The following CSTL1 variants were observed in gnomAD, a reference collection of about 807,000 sequenced individuals.
CSTL1 encodes cystatin like 1.
A neutral mutation model predicts 14.4 loss-of-function variants in CSTL1; 14 were observed. The observed-to-expected ratio is 0.97, with a 90% CI of 0.64 to 1.52. The LOEUF (loss-of-function observed/expected upper bound fraction) is 1.52, where lower values mean the gene tolerates loss of function less well. Ranked by LOEUF, CSTL1 falls within the 40% of genes most tolerant of loss-of-function variation. The probability of loss-of-function intolerance (pLI) is 0.00; values close to 1 mark genes in which losing one functional copy is unlikely to be tolerated. For synonymous variants in CSTL1, 72 were observed against 67.5 expected (o/e 1.07, Z -0.33); for missense variants, 170 against 168.7 (o/e 1.01, Z -0.04).
downstream of CSTL1, among the ~76,000 whole-genome samples, chr20:23,449,382 G>A (rs1987028160): frequency 6.6e-6 from 1 of 151,660 alleles, no homozygotes; most frequent in East Asian, 1.9e-4. Context: ...AATGAATGCT[G>A]TAATGCCGTG....
chr20:23,450,659 G>C, the CSTL1 span: 1 of 1,174,602 alleles, frequency 8.5e-7, no homozygotes, highest in Non-Finnish European at 1.2e-6. Flanking sequence ...GGAAGAGGAT[G>C]TAAGACACGA....
chr20:23,447,435 C>CACATTACAT (rs1986989584), downstream of CSTL1, among the ~76,000 whole-genome samples: 1 of 151,586 alleles, frequency 6.6e-6, no homozygotes, highest in African/African-American at 2.4e-5. Flanking sequence ...TAATGCTGGA[C>CACATTACAT]ACATTACATG....
chr20:23,445,285 G>C (rs1463437433), downstream of CSTL1, among the ~76,000 whole-genome samples: 1 of 148,270 alleles, frequency 6.7e-6, no homozygotes, highest in Non-Finnish European at 1.5e-5. Context: ...AGGCTGGAGA[G>C]AAGTGGCGCA....
chr20:23,440,545 T>A, intron 2 of CSTL1, 59 bp downstream of exon 2: 1 of 1,320,368 alleles, frequency 7.6e-7, no homozygotes, highest in Non-Finnish European at 1.1e-6. Context: ...TTCAGACATG[T>A]GAGGATTCTG....
the CSTL1 span, chr20:23,450,624 C>T: frequency 7.8e-6 from 12 of 1,538,700 alleles, no homozygotes; most frequent in African/African-American, 4.1e-5. Context: ...TTTTAAAAGA[C>T]GCCAGGTGAA....
At chr20:23,453,442 G>A in the CSTL1 span, among the ~76,000 whole-genome samples, 2 of 152,248 alleles carry the variant, frequency 1.3e-5, no homozygotes, top group East Asian at 1.9e-4. Context: ...GGAGGAGGAG[G>A]CAGTGGCGAG....
downstream of CSTL1, among the ~76,000 whole-genome samples, chr20:23,446,589 C>A (rs1326821467): frequency 6.6e-6 from 1 of 152,176 alleles, no homozygotes; most frequent in Non-Finnish European, 1.5e-5. Flanking sequence ...GCAGTTCAGG[C>A]GGGCCGTGCG....
downstream of CSTL1, among the ~76,000 whole-genome samples, chr20:23,449,019 G>A (rs1175060687): frequency 6.6e-6 from 1 of 152,200 alleles, no homozygotes; most frequent in Non-Finnish European, 1.5e-5. Context: ...AGGGTTCTGG[G>A]CATTCCAGCA....
intron 2 of CSTL1, 33 bp downstream of exon 2, chr20:23,440,519 G>A: frequency 1.3e-6 from 2 of 1,506,302 alleles, no homozygotes; most frequent in South Asian, 1.1e-5. Context: ...ACATCAGCAG[G>A]CCCTGTTCTT....
the CSTL1 span, chr20:23,451,858 T>C: frequency 1.9e-6 from 3 of 1,614,142 alleles, no homozygotes; most frequent in South Asian, 3.3e-5. Context: ...TCGTGGTCTC[T>C]GGCTTTTGGC....
the CSTL1 span, among the ~76,000 whole-genome samples, chr20:23,454,191 ACACT>A: frequency 1.0e-3 from 156 of 151,884 alleles, no homozygotes; most frequent in Middle Eastern, 6.8e-3. Context: ...ATACACAATG[ACACT>A]CACACTGAAA....
the CSTL1 span, chr20:23,452,736 C>T: frequency 1.9e-6 from 3 of 1,614,204 alleles, no homozygotes; most frequent in African/African-American, 1.3e-5. Context: ...TTCTTCCTTG[C>T]TTGGTAGGGG....
At chr20:23,440,868 T>C in intron 2 of CSTL1, 1 of 337,746 alleles carries the variant, frequency 3.0e-6, no homozygotes. Flanking sequence ...GTGATTCTCC[T>C]GCCTCAGCCT....
At chr20:23,439,918 C>A in intron 1 of CSTL1, 112 bp downstream of exon 1, 1 of 292,896 alleles carries the variant, frequency 3.4e-6, no homozygotes, top group Non-Finnish European at 6.6e-6. Context: ...GCTTCTCTAT[C>A]TACAACCCCA....
At chr20:23,447,595 T>C (rs892850785), downstream of CSTL1, among the ~76,000 whole-genome samples, 8 of 152,178 alleles carry the variant, frequency 5.3e-5, no homozygotes, top group Non-Finnish European at 1.2e-4. Flanking sequence ...GTAGCTGGGA[T>C]TACAGGTGCC....
At chr20:23,450,890 C>T in the CSTL1 span, among the ~76,000 whole-genome samples, 5 of 151,886 alleles carry the variant, frequency 3.3e-5, no homozygotes, top group Admixed American at 3.3e-4. Flanking sequence ...TTTTTTTAAA[C>T]TTCACTTCTT....
At chr20:23,454,006 C>T in the CSTL1 span, among the ~76,000 whole-genome samples, 1 of 151,372 alleles carries the variant, frequency 6.6e-6, no homozygotes, top group Non-Finnish European at 1.5e-5. Context: ...ACACACACAC[C>T]TACATGTATA....
chr20:23,444,181 G>C, intron 3 of CSTL1, 137 bp downstream of exon 3: 1 of 696,932 alleles, frequency 1.4e-6, no homozygotes, highest in Non-Finnish European at 2.5e-6. Flanking sequence ...GGCACCTCCT[G>C]AGGCACCTGG....
Position 23,444,870 on chromosome 20 carries a change from C to A in CSTL1, c.430C>A (p.Leu144Ile). ...CLEAEHVGRN[L>I]R is the part of the protein sequence containing the mutation. The stretch of plus-strand genomic sequence containing the variant: ...GGAGGCCGAGCATGTGGGCAGAAAC[C>A]TCAGATGAGGGCTCATATGATTGAG... The change falls in exon 4 of 4, where the codon CTC becomes ATC. Residue 144 changes from leucine to isoleucine, a missense_variant. Transcript: ENST00000347397. 6.2e-7 allele frequency: 1 copy of A among 1,608,430 alleles called. No individual in the cohort carries two copies. The highest frequency in any genetic ancestry group is 1.1e-5 in the South Asian group (1 of 90,978).
Sources: allele counts gnomAD v4.1 joint callset (sites outside exome capture counted in the v4.1 genomes callset), GRCh38; gene constraint gnomAD v4.1.1; transcripts MANE v1.5; gene names NCBI Gene and HGNC (gene_info 2026-07-23, HGNC 2026-07-21).